Variants in CABCOCO1 observed in about 807,000 individuals in gnomAD.
The protein encoded by CABCOCO1 is ciliary-associated calcium-binding coiled-coil protein 1.
CABCOCO1 carries 28 observed loss-of-function variants against 35.7 expected under a neutral mutation model. The ratio of observed to expected loss-of-function variants is 0.78; its 90% CI spans 0.58 to 1.07. The LOEUF is 1.07. CABCOCO1 is among the 50% of genes least tolerant of loss of function. The pLI is 0.00. For synonymous variants in CABCOCO1, 95 were observed against 100.1 expected (o/e 0.95, Z 0.30); for missense variants, 326 against 309.2 (o/e 1.05, Z -0.41).
At chr10:61,761,924 C>A (rs1018579562) in intron 7 of CABCOCO1, among the ~76,000 whole-genome samples, 6 of 152,098 alleles carry the variant, frequency 3.9e-5, no homozygotes, top group African/African-American at 1.4e-4. Context: ...TTGGTGCCAA[C>A]AGACTCAGCC....
chr10:61,762,211 C>T lies in CABCOCO1; in HGVS notation c.816+1208C>T, dbSNP rs891950599. On this transcript the variant is annotated intron_variant, in intron 7 of 7. Transcript: ENST00000648843. ...TTGCCGAGGAACTACCAGACAGTAA[C>T]TGAATTGTTTGCAGGCCCAAAAAAT... 7.2e-5 allele frequency among the ~76,000 whole-genome samples: 11 copies of T among 152,214 alleles called. No homozygotes were observed. The South Asian group carries it at 1.9e-3, about 26-fold the overall frequency.
chr10:61,755,643 T>C (rs141191652), intron 5 of CABCOCO1, among the ~76,000 whole-genome samples: 2 of 152,168 alleles, frequency 1.3e-5, no homozygotes, highest in African/African-American at 2.4e-5. Flanking sequence ...CAACTGCATA[T>C]TTAATATCTC....
intron 5 of CABCOCO1, among the ~76,000 whole-genome samples, chr10:61,744,909 C>G (rs141524135): frequency 1.3e-5 from 2 of 152,268 alleles, no homozygotes; most frequent in Non-Finnish European, 2.9e-5. Flanking sequence ...GAGTTCGTTT[C>G]CAAATGTGCG....
chr10:61,714,737 A>AGACAC (rs1840817932), intron 5 of CABCOCO1, among the ~76,000 whole-genome samples: 1 of 151,792 alleles, frequency 6.6e-6, no homozygotes, highest in Non-Finnish European at 1.5e-5. Context: ...GTGTCAAAGA[A>AGACAC]CATCTTTATT....
chr10:61,681,421 C>A, intron 3 of CABCOCO1, 109 bp downstream of exon 3: 1 of 803,426 alleles, frequency 1.2e-6, no homozygotes, highest in Non-Finnish European at 1.8e-6. Context: ...ATGAAAAATA[C>A]GGGTTTTTCC....
chr10:61,759,139 TC>T (rs1161037307), intron 5 of CABCOCO1, among the ~76,000 whole-genome samples: 1 of 151,940 alleles, frequency 6.6e-6, no homozygotes, highest in Non-Finnish European at 1.5e-5. Flanking sequence ...GGTGGCTTCA[TC>T]CCTGGGCCAC....
At chr10:61,672,581 A>G in intron 1 of CABCOCO1, 51 bp from the exon 2 acceptor site, 1 of 414,614 alleles carries the variant, frequency 2.4e-6, no homozygotes, top group Non-Finnish European at 3.2e-6. Flanking sequence ...ATTGGGTTTA[A>G]TATATGAAAC....
At chr10:61,703,886 G>A (rs1840528959) in intron 5 of CABCOCO1, among the ~76,000 whole-genome samples, 1 of 152,084 alleles carries the variant, frequency 6.6e-6, no homozygotes, top group Non-Finnish European at 1.5e-5. Context: ...CAGAGACCTG[G>A]ATAGTCTCCT....
intron 5 of CABCOCO1, among the ~76,000 whole-genome samples, chr10:61,758,108 A>C (rs966522439): frequency 1.6e-4 from 24 of 151,918 alleles, no homozygotes; most frequent in Middle Eastern, 3.4e-3. Context: ...AATTCAGTAG[A>C]CTCCATTCAA....
intron 1 of CABCOCO1, among the ~76,000 whole-genome samples, chr10:61,664,952 C>A (rs1012585465): frequency 4.6e-5 from 7 of 152,316 alleles, no homozygotes; most frequent in Admixed American, 3.9e-4. Context: ...GATCCCCCAA[C>A]AGCTAATCGC....
At chr10:61,722,651 G>A (rs1441331408) in intron 5 of CABCOCO1, among the ~76,000 whole-genome samples, 1 of 151,442 alleles carries the variant, frequency 6.6e-6, no homozygotes, top group East Asian at 1.9e-4. Flanking sequence ...AAAAGTGGTA[G>A]AACTCATAAA....
intron 7 of CABCOCO1, among the ~76,000 whole-genome samples, chr10:61,765,414 G>T (rs1842087853): frequency 6.6e-6 from 1 of 152,148 alleles, no homozygotes; most frequent in African/African-American, 2.4e-5. Context: ...ATCAGAAAGT[G>T]GCATCATTCC....
In CABCOCO1 at chr10:61,736,376, A is replaced by G. The variant is rs575447936; in HGVS notation, c.553-23683A>G. ...CTGCATATGGCTAGCCAGTTACCTC[A>G]GCACCATTTATTTAATAGGGGATCT... On this transcript the variant is annotated intron_variant, in intron 5 of 7. Coordinates refer to ENST00000648843, the MANE Select transcript of CABCOCO1 (RefSeq NM_001366906.2). Among the ~76,000 whole-genome samples, 16 of 152,284 alleles carry G rather than the reference A, an allele frequency of 1.1e-4. No homozygotes were observed. The South Asian group carries it at 1.9e-3, about 18-fold the overall frequency.
chr10:61,718,907 T>C (rs1840931346), intron 5 of CABCOCO1, among the ~76,000 whole-genome samples: 1 of 152,204 alleles, frequency 6.6e-6, no homozygotes, highest in South Asian at 2.1e-4. Flanking sequence ...ATCTTCTAGG[T>C]GCTTAGAAAT....
At chr10:61,728,517 T>C (rs77378932) in intron 5 of CABCOCO1, among the ~76,000 whole-genome samples, 18,051 of 152,236 alleles carry the variant, frequency 0.12, 1,421 homozygotes, top group African/African-American at 0.19. Context: ...AATAATAATT[T>C]GTATTATCTC....
chr10:61,732,896 C>T (rs1216191096), intron 5 of CABCOCO1, among the ~76,000 whole-genome samples: 3 of 152,026 alleles, frequency 2.0e-5, no homozygotes, highest in Non-Finnish European at 2.9e-5. Flanking sequence ...ATGAGAAACG[C>T]TTATTAAATC....
chr10:61,703,078 A>G (rs887971352), intron 5 of CABCOCO1, among the ~76,000 whole-genome samples: 6 of 152,184 alleles, frequency 3.9e-5, no homozygotes, highest in Non-Finnish European at 7.4e-5. Flanking sequence ...AGCAAGTTTA[A>G]CTGATGAATA....
chr10:61,674,538 A>G (rs908489849), intron 2 of CABCOCO1, among the ~76,000 whole-genome samples: 1 of 152,186 alleles, frequency 6.6e-6, no homozygotes, highest in South Asian at 2.1e-4. Flanking sequence ...CTCACTTTCA[A>G]TTTAAAATAG....
chr10:61,766,151 G>A lies in CABCOCO1; in HGVS notation c.*138G>A, dbSNP rs1842105363. On this transcript the variant is annotated 3_prime_UTR_variant, in exon 8 of 8. Coordinates refer to ENST00000648843, the MANE Select transcript of CABCOCO1 (RefSeq NM_001366906.2). ...CAAGCCCCACTTTTTATTTTCCTAA[G>A]TAATTAGAAAAGTATTGGTCCCAAT... 1 of 769,764 alleles carries A rather than the reference G, an allele frequency of 1.3e-6. No individual in the cohort carries two copies. The highest frequency in any genetic ancestry group is 2.0e-6 in the Non-Finnish European group (1 of 497,284). The allele number at this position is 769,764 out of a possible 1,614,324, so 47.7% of individuals were successfully genotyped here. A position where few individuals can be genotyped will look rare whatever the true frequency, so the allele number is the denominator to read the frequency against.
Sources: allele counts gnomAD v4.1 joint callset (sites outside exome capture counted in the v4.1 genomes callset), GRCh38; gene constraint gnomAD v4.1.1; transcripts MANE v1.5; gene names NCBI Gene and HGNC (gene_info 2026-07-23, HGNC 2026-07-21).